Variants in IPO9 observed in about 807,000 individuals in gnomAD.
The protein encoded by IPO9 is importin 9.
In IPO9, 28 loss-of-function variants were observed where a neutral mutation model predicts 128.6. That is an observed-to-expected ratio of 0.22 (90% confidence interval 0.16 to 0.30). The LOEUF is 0.30. IPO9 is among the 10% of genes least tolerant of loss of function. The pLI is 1.00. For missense variants in IPO9, 935 were observed against 1,293.9 expected, an observed-to-expected ratio of 0.72 and a Z score of 4.26; for synonymous variants, 455 against 475.8, an observed-to-expected ratio of 0.96 and a Z score of 0.57.
chr1:201,866,001 G>A (rs1047184106), intron 14 of IPO9, among the ~76,000 whole-genome samples: 2 of 152,216 alleles, frequency 1.3e-5, no homozygotes, highest in Non-Finnish European at 2.9e-5. Flanking sequence ...TCTACATCAT[G>A]CTGGATCTTA....
intron 5 of IPO9, among the ~76,000 whole-genome samples, chr1:201,852,760 A>G (rs1402539848): frequency 8.5e-5 from 13 of 152,174 alleles, no homozygotes. Flanking sequence ...TTTTAATCAA[A>G]TGAACCCACA....
intron 13 of IPO9, among the ~76,000 whole-genome samples, 186 bp downstream of exon 13, chr1:201,859,180 A>AATATATATATATATATATATAT (rs148348918): frequency 4.8e-5 from 4 of 83,450 alleles, no homozygotes; most frequent in South Asian, 4.2e-4. Flanking sequence ...CTCAAAGTAT[A>AATATATATATATATATATATAT]ATATATATAT....
rs767767384 is a variant in IPO9, at chr1:201,874,321, G to A, written c.2782G>A (p.Val928Ile). 15 of 1,613,894 alleles carry A rather than the reference G, an allele frequency of 9.3e-6. No individual in the cohort carries two copies. The Admixed American group carries it at 1.2e-4, about 13-fold the overall frequency. Residue 928 changes from valine to isoleucine, a missense_variant, in exon 21 of 24, where the codon GTC becomes ATC. Val to Ile is a conservative substitution (Grantham distance 29). Transcript: ENST00000361565. Reference sequence around the variant, plus strand: ...GCTGATCATCAACGAGCTCTCCAACGTCATGGAGGCTAATGCCGCTCGCCA... The same window carrying A: ...GCTGATCATCAACGAGCTCTCCAACATCATGGAGGCTAATGCCGCTCGCCA... ...LKLIINELSN[V>I]MEANAARQAT...
chr1:201,875,235 G>T lies in IPO9; in HGVS notation c.3015+7G>T. On this transcript the variant is annotated splice_region_variant and intron_variant, in intron 23 of 23. Coordinates refer to ENST00000361565, the MANE Select transcript of IPO9 (RefSeq NM_018085.5). Reference sequence around the variant, plus strand: ...CTATCAGATTGATCTGCAGGTGAGGGTGTCCAGAGATATCTTGCAAATGAC... The same window carrying T: ...CTATCAGATTGATCTGCAGGTGAGGTTGTCCAGAGATATCTTGCAAATGAC... The T allele has an allele frequency of 1.2e-6, 2 of 1,611,186 alleles. No homozygotes were observed. Among genetic ancestry groups the T allele is most frequent in the Non-Finnish European group, 8.5e-7 (1 of 1,177,278 alleles).
Position 201,874,355 on chromosome 1 carries a change from C to T in IPO9, c.2816C>T (p.Pro939Leu). The change falls in exon 21 of 24, where the codon CCT (proline) becomes CTT (leucine). Residue 939 changes from proline to leucine, a missense_variant. Coordinates refer to ENST00000361565, the MANE Select transcript of IPO9 (RefSeq NM_018085.5). The stretch of plus-strand genomic sequence containing the variant: ...GCTAATGCCGCTCGCCAGGCCACTC[C>T]TGCAGAGTGGAGTCAAGGTGCACCA... ...MEANAARQAT[P>L]AEWSQDDSND... The T allele has an allele frequency of 1.2e-6, 2 of 1,613,982 alleles. No individual in the cohort carries two copies. Among genetic ancestry groups the T allele is most frequent in the Non-Finnish European group, 1.7e-6 (2 of 1,179,906 alleles).
In IPO9 at chr1:201,879,461, C is replaced by A. The variant is rs1219177495; in HGVS notation, c.*3407C>A. 6.6e-6 allele frequency: 1 copy of A among 152,128 alleles called. No individual in the cohort carries two copies. The highest frequency in any genetic ancestry group is 1.5e-5 in the Non-Finnish European group (1 of 68,024). The allele number at this position is 152,128 out of a possible 1,614,324, so 9.4% of individuals were successfully genotyped here. A position where few individuals can be genotyped will look rare whatever the true frequency, so the allele number is the denominator to read the frequency against. On this transcript the variant is annotated 3_prime_UTR_variant, in exon 24 of 24. Coordinates refer to ENST00000361565, the MANE Select transcript of IPO9 (RefSeq NM_018085.5). Reference sequence around the variant, plus strand: ...CTCCTTTGATATTAGTGACAGATGACTTTTTTTATGCCTTACCCATTCCAC... The same window carrying A: ...CTCCTTTGATATTAGTGACAGATGAATTTTTTTATGCCTTACCCATTCCAC...
At chr1:201,843,702 C>T (rs1036684946) in intron 1 of IPO9, among the ~76,000 whole-genome samples, 3 of 151,976 alleles carry the variant, frequency 2.0e-5, no homozygotes, top group African/African-American at 4.8e-5. Context: ...GTGGTACACT[C>T]CTGCAATTCC....
At chr1:201,847,495 T>C in intron 2 of IPO9, 57 bp from the exon 3 acceptor site, 1 of 1,485,182 alleles carries the variant, frequency 6.7e-7, no homozygotes, top group Non-Finnish European at 9.4e-7. Flanking sequence ...GTATATAGTT[T>C]TTATGTGTGA....
rs964482310 is a variant in IPO9 at position 201,882,779 on chromosome 1, G to C, written c.*6725G>C. The stretch of plus-strand genomic sequence containing the variant: ...GCAAGTGACGTTTCCTTCAAGCCTT[G>C]GTTCCCTCATCTGTAAAATAGGGAA... On this transcript the variant is annotated 3_prime_UTR_variant, in exon 24 of 24. Coordinates refer to ENST00000361565, the MANE Select transcript of IPO9 (RefSeq NM_018085.5). 5 of 152,542 alleles carry C rather than the reference G, an allele frequency of 3.3e-5. No homozygotes were observed. The highest frequency in any genetic ancestry group is 1.2e-4 in the African/African-American group (5 of 41,422). 9.4% of individuals were successfully genotyped at this position (152,542 alleles called of 1,614,324 possible).
At position 201,878,532 on chromosome 1, in the gene IPO9, A is replaced by G. The variant is rs1359919811; in HGVS notation, c.*2478A>G. The G allele has an allele frequency of 6.6e-6, 1 of 152,570 alleles. No homozygotes were observed. The highest frequency in any genetic ancestry group is 1.5e-5 in the Non-Finnish European group (1 of 68,042). The allele number at this position is 152,570 out of a possible 1,614,324, so 9.5% of individuals were successfully genotyped here. On this transcript the variant is annotated 3_prime_UTR_variant, in exon 24 of 24. Transcript: ENST00000361565. ...TGCTCTCATGCTGATTTGGGGGAGG[A>G]CTGGGCATCCTGCCTCAGGAGAACT...
chr1:201,834,552 A>G (rs1558214748), intron 1 of IPO9, among the ~76,000 whole-genome samples: 1 of 152,296 alleles, frequency 6.6e-6, no homozygotes, highest in Non-Finnish European at 1.5e-5. Flanking sequence ...TCCTCTAAGA[A>G]TGGCATTATC....
intron 4 of IPO9, chr1:201,850,718 A>C (rs1406881119): frequency 1.3e-5 from 2 of 152,204 alleles, no homozygotes; most frequent in South Asian, 2.1e-4. Context: ...ATTAAATTAT[A>C]CTGTATTTTT....
intron 20 of IPO9, among the ~76,000 whole-genome samples, chr1:201,873,959 G>A (rs1358526121): frequency 6.6e-6 from 1 of 152,100 alleles, no homozygotes; most frequent in Non-Finnish European, 1.5e-5. Context: ...TAAGTCATTG[G>A]GACTGGAGTA....
chr1:201,866,477 C>A (rs1254053049), intron 14 of IPO9, among the ~76,000 whole-genome samples: 375 of 141,976 alleles, frequency 2.6e-3, no homozygotes, highest in Admixed American at 3.3e-3. Context: ...TTTCAGGATG[C>A]AAAAAAAAAA....
intron 1 of IPO9, among the ~76,000 whole-genome samples, chr1:201,829,962 T>C (rs1019503470): frequency 6.6e-6 from 1 of 152,246 alleles, no homozygotes; most frequent in Non-Finnish European, 1.5e-5. Context: ...TTAACGTTTA[T>C]TTTAAAAATA....
Position 201,847,318 on chromosome 1 carries a change from A to C in IPO9, c.203A>C (p.Gln68Pro). The C allele has an allele frequency of 6.2e-7, 1 of 1,614,038 alleles. No individual in the cohort carries two copies. Among genetic ancestry groups the C allele is most frequent in the Non-Finnish European group, 8.5e-7 (1 of 1,179,924 alleles). ...TTGGCAGAACTGACTGTAGATCCCC[A>C]GGGGGCACTGGCAATCCGTCAGGTA... Reference protein sequence around the residue: ...VHLAELTVDPQGALAIRQLAS... With the variant: ...VHLAELTVDPPGALAIRQLAS... The change falls in exon 2 of 24, where the codon CAG (glutamine) becomes CCG (proline). Residue 68 changes from glutamine to proline, a missense_variant. By Grantham distance (76) the Gln-to-Pro change is moderately conservative (BLOSUM62 -1). This residue lies in a region of IPO9 where 741 missense variants were observed against 1,019.1 expected (regional missense o/e 0.73). Coordinates refer to ENST00000361565, the MANE Select transcript of IPO9 (RefSeq NM_018085.5).
chr1:201,829,594 G>A, intron 1 of IPO9: 1 of 355,270 alleles, frequency 2.8e-6, no homozygotes, highest in Non-Finnish European at 5.1e-6. Context: ...CTGGGAGTGG[G>A]GGAGGGAGGG....
chr1:201,867,977 G>A (rs1680585834), intron 15 of IPO9, among the ~76,000 whole-genome samples: 1 of 152,170 alleles, frequency 6.6e-6, no homozygotes, highest in Non-Finnish European at 1.5e-5. Flanking sequence ...TCTGTTAATG[G>A]ACATCTAGGG....
chr1:201,854,530 A>G (rs1188381437), intron 6 of IPO9, 65 bp from the exon 7 acceptor site: 3 of 1,589,330 alleles, frequency 1.9e-6, no homozygotes, highest in South Asian at 1.1e-5. Flanking sequence ...TCAGTGTTTG[A>G]TATATATGTG....
Sources: allele counts gnomAD v4.1 joint callset (sites outside exome capture counted in the v4.1 genomes callset), GRCh38; gene constraint gnomAD v4.1.1; regional missense constraint gnomAD v4.1.1; transcripts MANE v1.5; gene names NCBI Gene and HGNC (gene_info 2026-07-23, HGNC 2026-07-21).